COL4A5: variants seen among roughly 807,000 people sequenced by gnomAD.
COL4A5 encodes collagen alpha-5(IV) chain.
COL4A5 carries 26 observed loss-of-function variants against 130.2 expected under a neutral mutation model. That is an observed-to-expected ratio of 0.20 (90% CI 0.15 to 0.28). COL4A5 has a LOEUF of 0.28. Ranked by LOEUF, COL4A5 falls within the 10% of genes least tolerant of loss-of-function variation. COL4A5 has a pLI of 1.00. For synonymous variants in COL4A5, 496 were observed against 439.6 expected, an observed-to-expected ratio of 1.13 and a Z score of -1.60; for missense variants, 1,131 against 1,344.3, an observed-to-expected ratio of 0.84 and a Z score of 2.48.
At chrX:108,531,108 G>A (rs2065378439) in intron 1 of COL4A5, among the ~76,000 whole-genome samples, 1 of 102,976 alleles carries the variant, frequency 9.7e-6, no homozygotes, top group Non-Finnish European at 2.0e-5. Context: ...CTATCTCAAG[G>A]ACAAAAAACC....
At chrX:108,686,952 C>G (rs764765036) in intron 48 of COL4A5, among the ~76,000 whole-genome samples, 17 of 111,484 alleles carry the variant, frequency 1.5e-4, no homozygotes, top group Middle Eastern at 9.3e-3. Flanking sequence ...GTGAAGTTTC[C>G]CTAAAATGAA....
At position 108,690,191 on chromosome X, in the gene COL4A5, C is replaced by T. The variant is rs189145855; in HGVS notation, c.4528+2497C>T. On this transcript the variant is annotated intron_variant, in intron 49 of 52. Transcript: ENST00000328300. ...CTTTTTCATTTTATACACAAAGAGA[C>T]TGGCTAATAGGTTAAATAACTTACA... is the stretch of plus-strand genomic sequence containing the variant. 469 of 180,920 alleles carry T rather than the reference C, an allele frequency of 2.6e-3. No homozygotes were observed. The highest frequency in any genetic ancestry group is 0.014 in the African/African-American group (456 of 32,159). 14.9% of individuals were successfully genotyped at this position (180,920 alleles called of 1,213,427 possible).
intron 1 of COL4A5, among the ~76,000 whole-genome samples, chrX:108,449,753 G>GT (rs200098358): frequency 9.0e-6 from 1 of 110,782 alleles, no homozygotes; most frequent in Non-Finnish European, 1.9e-5. Context: ...GGGGAAAGGC[G>GT]TTTTTTTCTC....
intron 36 of COL4A5, among the ~76,000 whole-genome samples, chrX:108,634,529 A>G (rs145915797): frequency 2.7e-5 from 3 of 111,838 alleles, no homozygotes. Context: ...CAGTTTAGAA[A>G]CAGTGAGACA....
At chrX:108,681,044 A>G (rs1307240845) in intron 46 of COL4A5, 88 bp downstream of exon 46, 3 of 836,389 alleles carry the variant, frequency 3.6e-6, no homozygotes, top group South Asian at 2.1e-5. Flanking sequence ...CAGCCAGACC[A>G]TCGGAGGCTA....
At chrX:108,547,007 C>T (rs763590935) in intron 2 of COL4A5, among the ~76,000 whole-genome samples, 64 of 111,476 alleles carry the variant, frequency 5.7e-4, no homozygotes, top group African/African-American at 2.0e-3. Flanking sequence ...GTTAGCCATT[C>T]GTCTAATCTT....
intron 2 of COL4A5, among the ~76,000 whole-genome samples, chrX:108,547,344 G>C (rs903821798): frequency 1.1e-4 from 12 of 112,146 alleles, no homozygotes; most frequent in African/African-American, 3.9e-4. Context: ...ACCCTCAGCT[G>C]CAGGTCTGTT....
intron 2 of COL4A5, among the ~76,000 whole-genome samples, chrX:108,557,458 C>G (rs2065839030): frequency 9.0e-6 from 1 of 111,360 alleles, no homozygotes; most frequent in Non-Finnish European, 1.9e-5. Context: ...TAATTATTGT[C>G]AAAACTACAG....
intron 1 of COL4A5, among the ~76,000 whole-genome samples, chrX:108,455,636 T>C (rs2064577378): frequency 8.9e-6 from 1 of 112,535 alleles, no homozygotes; most frequent in South Asian, 3.7e-4. Context: ...TGAAGATACA[T>C]GTTTTCTTCC....
chrX:108,479,837 A>G (rs1259285576), intron 1 of COL4A5, among the ~76,000 whole-genome samples: 2 of 111,774 alleles, frequency 1.8e-5, no homozygotes, highest in African/African-American at 3.3e-5. Context: ...CCCATAGTCA[A>G]ATGTTCAGTT....
At chrX:108,681,565 C>T (rs112614194) in intron 46 of COL4A5, among the ~76,000 whole-genome samples, 195 bp from the exon 47 acceptor site, 134 of 111,754 alleles carry the variant, frequency 1.2e-3, no homozygotes, top group African/African-American at 3.9e-3. Flanking sequence ...TTTACACTGA[C>T]CCTAAGAAAC....
chrX:108,505,584 T>G (rs1229027201), intron 1 of COL4A5, among the ~76,000 whole-genome samples: 1 of 111,235 alleles, frequency 9.0e-6, no homozygotes, highest in Non-Finnish European at 1.9e-5. Context: ...TTAGTGTCCT[T>G]ATAAAAAGAG....
chrX:108,441,904 T>C (rs1344473039), intron 1 of COL4A5, among the ~76,000 whole-genome samples: 3 of 112,110 alleles, frequency 2.7e-5, no homozygotes, highest in Non-Finnish European at 1.9e-5. Context: ...ATGTTAACAA[T>C]GAGGTTTCTT....
chrX:108,672,556 A>G (rs768396705), intron 42 of COL4A5, among the ~76,000 whole-genome samples: 2 of 112,081 alleles, frequency 1.8e-5, no homozygotes, highest in South Asian at 7.3e-4. Context: ...CTTATGGACA[A>G]TATTTTAGGT....
intron 1 of COL4A5, among the ~76,000 whole-genome samples, chrX:108,499,403 C>T (rs992051762): frequency 9.0e-6 from 1 of 110,859 alleles, no homozygotes; most frequent in Non-Finnish European, 1.9e-5. Context: ...GATCTGTGTT[C>T]TTGAGAGATA....
intron 1 of COL4A5, among the ~76,000 whole-genome samples, chrX:108,476,038 A>G (rs186686892): frequency 9.0e-6 from 1 of 111,221 alleles, no homozygotes; most frequent in East Asian, 2.8e-4. Context: ...ATCTAGCCCA[A>G]AACGTCCATA....
At chrX:108,479,065 C>T (rs1423586175) in intron 1 of COL4A5, among the ~76,000 whole-genome samples, 1 of 112,285 alleles carries the variant, frequency 8.9e-6, no homozygotes, top group African/African-American at 3.2e-5. Context: ...CCACCATGGC[C>T]AGGGCCCATT....
intron 42 of COL4A5, among the ~76,000 whole-genome samples, chrX:108,671,806 C>T (rs1420228215): frequency 1.8e-5 from 2 of 111,407 alleles, no homozygotes; most frequent in Admixed American, 9.5e-5. Flanking sequence ...TCTCTCTAAA[C>T]CGATTTAGCA....
intron 6 of COL4A5, 68 bp downstream of exon 6, chrX:108,568,889 C>A: frequency 3.2e-6 from 3 of 947,978 alleles, no homozygotes; most frequent in Non-Finnish European, 4.6e-6. Context: ...CTAAAGAAAT[C>A]AATATGAAGA....
Sources: allele counts gnomAD v4.1 joint callset (sites outside exome capture counted in the v4.1 genomes callset), GRCh38; gene constraint gnomAD v4.1.1; transcripts MANE v1.5; gene names NCBI Gene and HGNC (gene_info 2026-07-23, HGNC 2026-07-21).